The following LHFPL6 variants were observed in gnomAD, a reference collection of about 807,000 sequenced individuals.
LHFPL6 encodes the protein LHFPL tetraspan subfamily member 6 protein.
Under a neutral mutation model 20.6 loss-of-function variants are expected in LHFPL6, and 9 were observed. The ratio of observed to expected loss-of-function variants is 0.44; its 90% CI spans 0.26 to 0.76. The LOEUF (loss-of-function observed/expected upper bound fraction) is 0.76, where lower values mean the gene tolerates loss of function less well. Ranked by LOEUF, LHFPL6 falls within the 30% of genes least tolerant of loss-of-function variation. The pLI is 0.20. For synonymous variants in LHFPL6, 105 were observed against 98.7 expected (o/e 1.06, Z -0.38); for missense variants, 218 against 253.5 (o/e 0.86, Z 0.95).
chr13:39,413,321 A>C (rs904624738), intron 2 of LHFPL6, among the ~76,000 whole-genome samples: 7 of 152,228 alleles, frequency 4.6e-5, no homozygotes, highest in African/African-American at 1.4e-4. Context: ...TATGAAATGT[A>C]TCCACATTGA....
intron 2 of LHFPL6, among the ~76,000 whole-genome samples, chr13:39,460,222 G>C (rs760308291): frequency 6.6e-6 from 1 of 152,158 alleles, no homozygotes; most frequent in Non-Finnish European, 1.5e-5. Flanking sequence ...TCAAGAAAGA[G>C]CAAAGCTCAC....
chr13:39,499,726 C>T (rs1869228614), intron 2 of LHFPL6, among the ~76,000 whole-genome samples: 1 of 152,178 alleles, frequency 6.6e-6, no homozygotes, highest in African/African-American at 2.4e-5. Context: ...GGAGCTGGCA[C>T]AGAGATGGTA....
chr13:39,401,667 A>G (rs1870994262), intron 2 of LHFPL6, among the ~76,000 whole-genome samples: 1 of 152,180 alleles, frequency 6.6e-6, no homozygotes, highest in Non-Finnish European at 1.5e-5. Context: ...TCATTCTCAC[A>G]CCTTTCCTAA....
chr13:39,530,684 T>C (rs1870438334), intron 2 of LHFPL6, among the ~76,000 whole-genome samples: 1 of 152,166 alleles, frequency 6.6e-6, no homozygotes, highest in Non-Finnish European at 1.5e-5. Flanking sequence ...CTTGACACTT[T>C]GTACAAAATG....
chr13:39,536,316 A>C (rs1870617245), intron 2 of LHFPL6, among the ~76,000 whole-genome samples: 1 of 152,140 alleles, frequency 6.6e-6, no homozygotes, highest in African/African-American at 2.4e-5. Context: ...CTTGCTTTTG[A>C]TGGCCACGGA....
At chr13:39,493,514 T>C (rs1346579916) in intron 2 of LHFPL6, among the ~76,000 whole-genome samples, 1 of 152,014 alleles carries the variant, frequency 6.6e-6, no homozygotes, top group Admixed American at 6.6e-5. Flanking sequence ...GAAATACTTA[T>C]AAAACAAAAA....
At chr13:39,575,712 G>A (rs1327776000) in intron 2 of LHFPL6, among the ~76,000 whole-genome samples, 3 of 152,154 alleles carry the variant, frequency 2.0e-5, no homozygotes, top group Non-Finnish European at 4.4e-5. Context: ...AAGGACATGG[G>A]GACAGCTGTG....
chr13:39,545,557 T>C (rs1870955196), intron 2 of LHFPL6, among the ~76,000 whole-genome samples: 1 of 152,050 alleles, frequency 6.6e-6, no homozygotes, highest in South Asian at 2.1e-4. Context: ...ATAATAATAG[T>C]AGTACAGTCA....
intron 2 of LHFPL6, among the ~76,000 whole-genome samples, chr13:39,389,211 C>A (rs1245369050): frequency 1.3e-5 from 2 of 152,116 alleles, no homozygotes; most frequent in Non-Finnish European, 2.9e-5. Context: ...TAATACACAG[C>A]TTCTACACTG....
At chr13:39,426,306 C>T (rs868833066) in intron 2 of LHFPL6, among the ~76,000 whole-genome samples, 3 of 151,814 alleles carry the variant, frequency 2.0e-5, no homozygotes, top group Non-Finnish European at 4.4e-5. Flanking sequence ...CTACAACCTC[C>T]ACCTCCCGGG....
intron 2 of LHFPL6, among the ~76,000 whole-genome samples, chr13:39,581,509 G>A (rs1296293358): frequency 3.3e-5 from 4 of 122,266 alleles, no homozygotes; most frequent in Admixed American, 1.8e-4. Context: ...GATCAAAATA[G>A]AATACCATCT....
intron 2 of LHFPL6, among the ~76,000 whole-genome samples, chr13:39,421,809 T>C (rs893434872): frequency 1.3e-5 from 2 of 152,200 alleles, no homozygotes; most frequent in African/African-American, 4.8e-5. Flanking sequence ...AATTTGAAGG[T>C]TGGCTATATG....
chr13:39,505,608 T>C (rs763233241), intron 2 of LHFPL6, among the ~76,000 whole-genome samples: 1 of 152,176 alleles, frequency 6.6e-6, no homozygotes, highest in Non-Finnish European at 1.5e-5. Context: ...GAGGCTGATT[T>C]TGGCTAAAAG....
intron 2 of LHFPL6, among the ~76,000 whole-genome samples, chr13:39,599,790 G>T (rs769805327): frequency 1.3e-5 from 2 of 152,216 alleles, no homozygotes; most frequent in Non-Finnish European, 2.9e-5. Context: ...TGGGGAGACT[G>T]TCTCACAACT....
intron 3 of LHFPL6, among the ~76,000 whole-genome samples, chr13:39,361,615 C>T (rs904596697): frequency 2.0e-5 from 3 of 152,098 alleles, no homozygotes; most frequent in African/African-American, 7.2e-5. Context: ...CGTGCCTGGC[C>T]CTTGAGCCTC....
chr13:39,396,536 C>T (rs1870846047), intron 2 of LHFPL6, among the ~76,000 whole-genome samples: 1 of 152,106 alleles, frequency 6.6e-6, no homozygotes, highest in Non-Finnish European at 1.5e-5. Flanking sequence ...TGGCTCACAC[C>T]TGTAATCCCA....
chr13:39,600,879 A>C lies in LHFPL6; in HGVS notation c.338T>G (p.Ile113Ser). The change falls in exon 2 of 4, where the codon ATC becomes AGC. Residue 113 changes from isoleucine to serine, a missense_variant. Transcript: ENST00000379589. ...AGCCACTCTTCCCACTGTCCTGGAGATGAGGTCGGAAACACAGCAACCCAT... is the reference window on the plus strand; with the variant it reads ...AGCCACTCTTCCCACTGTCCTGGAGCTGAGGTCGGAAACACAGCAACCCAT... ...ALMGCCVSDL[I>S]SRTVGRVAGG... The C allele has an allele frequency of 6.5e-7, 1 of 1,537,672 alleles. No individual in the cohort carries two copies. Among genetic ancestry groups the C allele is most frequent in the Non-Finnish European group, 8.8e-7 (1 of 1,139,906 alleles).
chr13:39,500,786 A>C (rs1010679223), intron 2 of LHFPL6, among the ~76,000 whole-genome samples: 52 of 152,246 alleles, frequency 3.4e-4, no homozygotes, highest in African/African-American at 1.1e-3. Flanking sequence ...AAATAAATTA[A>C]GTATTCTGAC....
At chr13:39,425,644 T>G (rs1871617485) in intron 2 of LHFPL6, among the ~76,000 whole-genome samples, 1 of 152,230 alleles carries the variant, frequency 6.6e-6, no homozygotes, top group Non-Finnish European at 1.5e-5. Context: ...GTGGAGCATC[T>G]TATATGCTTA....
Sources: gnomAD v4.1 joint callset for allele counts (sites outside exome capture counted in the v4.1 genomes callset) on GRCh38, gnomAD v4.1.1 for gene constraint, MANE v1.5 for transcripts, NCBI Gene and HGNC (gene_info 2026-07-23, HGNC 2026-07-21) for gene names.